The following CCBE1 variants were observed in gnomAD, a reference collection of about 807,000 sequenced individuals.
CCBE1 encodes collagen and calcium-binding EGF domain-containing protein 1.
CCBE1 carries 37 observed loss-of-function variants against 50.0 expected under a neutral mutation model. That is an observed-to-expected ratio of 0.74 (90% confidence interval 0.57 to 0.97). The LOEUF is 0.97. CCBE1 is among the 50% of genes least tolerant of loss of function. The pLI, the probability that CCBE1 is intolerant of heterozygous loss-of-function variation, is 0.00. For missense variants in CCBE1, 538 were observed against 523.8 expected, an observed-to-expected ratio of 1.03 and a Z score of -0.26; for synonymous variants, 234 against 203.7, an observed-to-expected ratio of 1.15 and a Z score of -1.27.
At chr18:59,471,655 A>G (rs1243410666) in intron 3 of CCBE1, among the ~76,000 whole-genome samples, 1 of 152,154 alleles carries the variant, frequency 6.6e-6, no homozygotes, top group Non-Finnish European at 1.5e-5. Context: ...TTCTTCTTCC[A>G]TGGGCTACTT....
At chr18:59,640,900 CTCA>C (rs1192441332) in intron 2 of CCBE1, among the ~76,000 whole-genome samples, 1 of 152,152 alleles carries the variant, frequency 6.6e-6, no homozygotes, top group African/African-American at 2.4e-5. Context: ...CTCAACATCC[CTCA>C]TCAGAGAGTT....
At chr18:59,515,134 G>T (rs1014606140) in intron 2 of CCBE1, among the ~76,000 whole-genome samples, 7 of 152,232 alleles carry the variant, frequency 4.6e-5, no homozygotes, top group Admixed American at 2.0e-4. Flanking sequence ...AGGGTAGGAA[G>T]AAAGAGGAGA....
At chr18:59,516,567 CA>C (rs1323693118) in intron 2 of CCBE1, among the ~76,000 whole-genome samples, 1 of 152,154 alleles carries the variant, frequency 6.6e-6, no homozygotes, top group African/African-American at 2.4e-5. Context: ...AAGGAAAGTC[CA>C]GGGGGTCACT....
rs528112582 is a variant in CCBE1, at chr18:59,603,339, G to A, written c.212+93290C>T. On this transcript the variant is annotated intron_variant, in intron 2 of 10. Transcript: ENST00000439986. ...TGAATTAATTTCATCTAGACCACTCGGGTCCTTGGTCATAAGGTTCTTGTA... is the reference window on the plus strand; with the variant it reads ...TGAATTAATTTCATCTAGACCACTCAGGTCCTTGGTCATAAGGTTCTTGTA... Among the ~76,000 whole-genome samples the A allele has an allele frequency of 7.9e-5, 12 of 152,278 alleles. 1 individual carries two copies. Among genetic ancestry groups the A allele is most frequent in the African/African-American group, 2.2e-4 (9 of 41,558 alleles).
intron 2 of CCBE1, among the ~76,000 whole-genome samples, chr18:59,503,432 G>T (rs562931094): frequency 1.3e-5 from 2 of 152,306 alleles, no homozygotes; most frequent in South Asian, 2.1e-4. Flanking sequence ...CACACAACCT[G>T]TAAGTGACAG....
chr18:59,456,863 A>G (rs1406156869), intron 5 of CCBE1, among the ~76,000 whole-genome samples: 1 of 152,170 alleles, frequency 6.6e-6, no homozygotes. Flanking sequence ...CAGACTGTGC[A>G]CCTTCAGCAC....
At chr18:59,664,629 T>A (rs1345506528) in intron 2 of CCBE1, among the ~76,000 whole-genome samples, 1 of 152,166 alleles carries the variant, frequency 6.6e-6, no homozygotes, top group East Asian at 1.9e-4. Context: ...GCTGCTGCCA[T>A]TAAGCACCTC....
rs750324482 is a variant in CCBE1, at chr18:59,625,430, C to CAAAAAAAAAAAA, written c.212+71187_212+71198dup. Among the ~76,000 whole-genome samples the CAAAAAAAAAAAA allele has an allele frequency of 6.6e-3, 460 of 69,788 alleles. 53 individuals carry two copies. The highest frequency in any genetic ancestry group is 0.024 in the African/African-American group (392 of 16,416). The allele number at this position is 69,788 out of a possible 152,430, so 45.8% of individuals were successfully genotyped here. On this transcript the variant is annotated intron_variant, in intron 2 of 10. Transcript: ENST00000439986. ...TGGGCTACAGAGTGAGATTCTGTCT[C>CAAAAAAAAAAAA]AAAAAAAAAAAAAAAAAAAAAAAAT...
intron 2 of CCBE1, among the ~76,000 whole-genome samples, chr18:59,580,299 C>A (rs1423047821): frequency 6.6e-6 from 1 of 152,186 alleles, no homozygotes; most frequent in East Asian, 1.9e-4. Context: ...AACCTGGAAG[C>A]CCCCTCCCTG....
intron 2 of CCBE1, among the ~76,000 whole-genome samples, chr18:59,562,613 G>A (rs1412726812): frequency 6.6e-6 from 1 of 152,182 alleles, no homozygotes; most frequent in Non-Finnish European, 1.5e-5. Flanking sequence ...GTACGTTCTG[G>A]CCGGAATCCA....
At chr18:59,692,956 GCACACACACACACACACACA>G (rs59496597) in intron 2 of CCBE1, among the ~76,000 whole-genome samples, 33 of 86,968 alleles carry the variant, frequency 3.8e-4, no homozygotes, top group Middle Eastern at 5.1e-3. Context: ...TCAAGCCAAA[GCACACACACACACACACACA>G]CACACACACA....
chr18:59,646,858 G>A (rs576897088), intron 2 of CCBE1, among the ~76,000 whole-genome samples: 6 of 152,254 alleles, frequency 3.9e-5, no homozygotes, highest in East Asian at 1.9e-4. Flanking sequence ...ACATGAACAC[G>A]GAACTTAAGA....
chr18:59,458,680 G>A (rs951896427), intron 5 of CCBE1, among the ~76,000 whole-genome samples: 12 of 152,236 alleles, frequency 7.9e-5, no homozygotes, highest in African/African-American at 2.2e-4. Flanking sequence ...CCAGCTGGCC[G>A]TTTTGGAGGA....
At chr18:59,592,441 G>A (rs2053285368) in intron 2 of CCBE1, among the ~76,000 whole-genome samples, 3 of 152,124 alleles carry the variant, frequency 2.0e-5, no homozygotes, top group South Asian at 2.1e-4. Context: ...GTATTTAAGA[G>A]ACAGATTGAA....
At chr18:59,646,905 G>A (rs952531402) in intron 2 of CCBE1, among the ~76,000 whole-genome samples, 10 of 152,180 alleles carry the variant, frequency 6.6e-5, no homozygotes, top group African/African-American at 2.4e-4. Flanking sequence ...CTCCCAGAAA[G>A]CCGTTTTAGT....
chr18:59,444,995 G>T (rs756601272), intron 7 of CCBE1, among the ~76,000 whole-genome samples: 23 of 152,114 alleles, frequency 1.5e-4, no homozygotes, highest in Non-Finnish European at 2.4e-4. Flanking sequence ...CCTGTAGGTT[G>T]TTTTTGCCCT....
At chr18:59,610,429 C>G (rs1009421636) in intron 2 of CCBE1, among the ~76,000 whole-genome samples, 3 of 151,762 alleles carry the variant, frequency 2.0e-5, no homozygotes, top group African/African-American at 7.3e-5. Context: ...CCAAATACCC[C>G]AATAAAGTAA....
At chr18:59,652,220 C>T (rs2054135966) in intron 2 of CCBE1, among the ~76,000 whole-genome samples, 1 of 152,168 alleles carries the variant, frequency 6.6e-6, no homozygotes, top group South Asian at 2.1e-4. Context: ...AATAGTATTC[C>T]ATTTCACTTA....
rs535334373 is a variant in CCBE1, at chr18:59,625,235, T to G, written c.212+71394A>C. Among the ~76,000 whole-genome samples the G allele has an allele frequency of 2.0e-3, 305 of 152,082 alleles. 2 individuals carry two copies. Among genetic ancestry groups the G allele is most frequent in the African/African-American group, 6.9e-3 (287 of 41,474 alleles). On this transcript the variant is annotated intron_variant, in intron 2 of 10. Transcript: ENST00000439986. ...TCACAAGGTCAGGAGATCGCGACCA[T>G]CGTGGCTAACACGGTGAAACCCCAT...
Sources: allele counts gnomAD v4.1 joint callset (sites outside exome capture counted in the v4.1 genomes callset), GRCh38; gene constraint gnomAD v4.1.1; transcripts MANE v1.5; gene names NCBI Gene and HGNC (gene_info 2026-07-23, HGNC 2026-07-21).